Variants in SACS observed in about 807,000 individuals in gnomAD.
SACS encodes the protein sacsin molecular chaperone.
In SACS, 197 loss-of-function variants were observed where a neutral mutation model predicts 348.0. That is an observed-to-expected ratio of 0.57 (90% CI 0.50 to 0.64). The LOEUF (loss-of-function observed/expected upper bound fraction) is 0.64. Ranked by LOEUF, SACS falls within the 30% of genes least tolerant of loss-of-function variation. The pLI, the probability that SACS is intolerant of heterozygous loss-of-function variation, is 0.00. For missense variants in SACS, 4,999 were observed against 5,360.8 expected, an observed-to-expected ratio of 0.93 and a Z score of 2.11; for synonymous variants, 1,985 against 1,910.6, an observed-to-expected ratio of 1.04 and a Z score of -1.02.
chr13:23,340,264 A>T lies in SACS; in HGVS notation c.3612T>A (p.Ser1204Arg). The T allele has an allele frequency of 6.2e-7, 1 of 1,612,682 alleles. No homozygotes were observed. The highest frequency in any genetic ancestry group is 8.5e-7 in the Non-Finnish European group (1 of 1,179,222). Residue 1204 changes from serine to arginine, a missense_variant, in exon 10 of 10, where the codon AGT (serine) becomes AGA (arginine). This residue lies in a region of SACS where 3,156 missense variants were observed against 3,380.1 expected (regional missense o/e 0.93). Transcript: ENST00000382292. ...LIGSSLPLVE[S>R]IHVNLEKALG... ...ATGCTTTTTCCAGGTTTACATGGAT[A>T]CTTTCAACAAGAGGAAGTGAGGAGC...
intron 2 of SACS, among the ~76,000 whole-genome samples, chr13:23,382,692 G>T (rs1872108750): frequency 6.6e-6 from 1 of 151,660 alleles, no homozygotes; most frequent in Non-Finnish European, 1.5e-5. Flanking sequence ...TAATGGCTAA[G>T]TAATTTACAT....
chr13:23,346,238 C>T (rs531295982), intron 9 of SACS, among the ~76,000 whole-genome samples: 2 of 152,276 alleles, frequency 1.3e-5, no homozygotes, highest in African/African-American at 2.4e-5. Context: ...CTCTGCCGCC[C>T]GGGTTCAAGC....
chr13:23,337,999 A>C lies in SACS; in HGVS notation c.5877T>G (p.Ile1959Met). 1 of 1,613,928 alleles carries C rather than the reference A, an allele frequency of 6.2e-7. No homozygotes were observed. Among genetic ancestry groups the C allele is most frequent in the Non-Finnish European group, 8.5e-7 (1 of 1,179,942 alleles). The change falls in exon 10 of 10, where the codon ATT (isoleucine) becomes ATG (methionine). Residue 1959 changes from isoleucine (I) to methionine (M), a missense_variant. This residue lies in a region of SACS where 3,156 missense variants were observed against 3,380.1 expected (regional missense o/e 0.93). Coordinates refer to ENST00000382292, the MANE Select transcript of SACS (RefSeq NM_014363.6). ...PDLVHDDFSV[I>M]CQGFYEDIAH... The stretch of plus-strand genomic sequence containing the variant: ...CTATATCTTCATAAAATCCTTGGCA[A>C]ATTACAGAAAAATCATCATGAACTA...
intron 1 of SACS, among the ~76,000 whole-genome samples, chr13:23,415,569 T>C (rs1396453840): frequency 6.6e-6 from 1 of 152,250 alleles, no homozygotes; most frequent in Non-Finnish European, 1.5e-5. Flanking sequence ...CATTCTTTTC[T>C]CAAAATACAG....
Position 23,355,640 on chromosome 13 carries a change from G to A in SACS, c.972C>T (p.Asp324=), listed in dbSNP as rs546652936. The change falls in exon 8 of 10, where the codon GAC becomes GAT. Residue 324 remains aspartate (D), a synonymous_variant. Coordinates refer to ENST00000382292, the MANE Select transcript of SACS (RefSeq NM_014363.6). ...QDVSLYVREA[D]GTEKLVFRVT... ...CTCTAAACACCAGTTTCTCTGTTCC[G>A]TCAGCCTCTCGGACATATAAGGAAA... 2.9e-5 allele frequency: 47 copies of A among 1,613,906 alleles called. No individual in the cohort carries two copies. Among genetic ancestry groups the A allele is most frequent in the Admixed American group, 1.2e-4 (7 of 59,966 alleles).
chr13:23,418,251 T>C (rs1166438727), intron 1 of SACS, among the ~76,000 whole-genome samples: 2 of 152,072 alleles, frequency 1.3e-5, no homozygotes, highest in Non-Finnish European at 2.9e-5. Context: ...GGGAACAGGC[T>C]CTAATTTATA....
chr13:23,365,373 TTAAA>T (rs1412770853), intron 5 of SACS, 96 bp from the exon 6 acceptor site: 6 of 747,598 alleles, frequency 8.0e-6, no homozygotes, highest in South Asian at 3.8e-5. Context: ...GTTAATATAC[TTAAA>T]TAAAGGAAAC....
chr13:23,341,699 C>T lies in SACS; in HGVS notation c.2186-9G>A, dbSNP rs765615481. ...CTGAGTACATGGTCTTCCTGTAAATCATACACAGAAATGTCATAAATACAT... is the reference window on the plus strand; with the variant it reads ...CTGAGTACATGGTCTTCCTGTAAATTATACACAGAAATGTCATAAATACAT... On this transcript the variant is annotated splice_polypyrimidine_tract_variant and intron_variant, in intron 9 of 9. Transcript: ENST00000382292. 1 of 1,581,890 alleles carries T rather than the reference C, an allele frequency of 6.3e-7. No homozygotes were observed. The highest frequency in any genetic ancestry group is 8.6e-7 in the Non-Finnish European group (1 of 1,160,360).
At chr13:23,381,403 ACT>A (rs1333710089) in intron 2 of SACS, among the ~76,000 whole-genome samples, 3 of 149,416 alleles carry the variant, frequency 2.0e-5, no homozygotes, top group African/African-American at 4.9e-5. Context: ...ACAGGCAAAC[ACT>A]CTGGCTGGAC....
In SACS at chr13:23,353,886, GA is replaced by G; in HGVS notation, c.2094-11del. The G allele has an allele frequency of 7.1e-7, 1 of 1,416,160 alleles. No individual in the cohort carries two copies. The highest frequency in any genetic ancestry group is 1.0e-6 in the Non-Finnish European group (1 of 999,418). 87.7% of individuals were successfully genotyped at this position (1,416,160 alleles called of 1,614,324 possible). The stretch of plus-strand genomic sequence containing the variant: ...ACTTGGGAAAAGGGACCTGAAAAGG[GA>G]AAGGAACAGCAATCATCATAATCTT... On this transcript the variant is annotated splice_polypyrimidine_tract_variant and intron_variant, in intron 8 of 9. Coordinates refer to ENST00000382292, the MANE Select transcript of SACS (RefSeq NM_014363.6).
At chr13:23,362,187 C>T (rs868034953) in intron 6 of SACS, among the ~76,000 whole-genome samples, 4 of 152,162 alleles carry the variant, frequency 2.6e-5, no homozygotes, top group Non-Finnish European at 5.9e-5. Context: ...AAACCAACTC[C>T]GTGAGATCCA....
At chr13:23,393,285 G>A (rs1434453766) in intron 2 of SACS, among the ~76,000 whole-genome samples, 1 of 152,218 alleles carries the variant, frequency 6.6e-6, no homozygotes, top group African/African-American at 2.4e-5. Flanking sequence ...GAGCCATGGA[G>A]ATATGTGTGT....
In SACS at chr13:23,330,844, G is replaced by T. The variant is rs930282640; in HGVS notation, c.13032C>A (p.Asn4344Lys). 2 of 1,613,938 alleles carry T rather than the reference G, an allele frequency of 1.2e-6. No homozygotes were observed. Among genetic ancestry groups the T allele is most frequent in the African/African-American group, 1.3e-5 (1 of 74,902 alleles). ...LKWHPDKNPE[N>K]HDIANEVFKH... ...TAAAAACTTCATTGGCAATGTCATG[G>T]TTCTCTGGATTTTTGTCAGGATGCC... Residue 4344 changes from asparagine (N) to lysine (K), a missense_variant, in exon 10 of 10, where the codon AAC becomes AAA. Asn to Lys is a moderately conservative substitution (Grantham distance 94). Coordinates refer to ENST00000382292, the MANE Select transcript of SACS (RefSeq NM_014363.6).
intron 1 of SACS, among the ~76,000 whole-genome samples, chr13:23,426,203 G>A (rs895282858): frequency 7.9e-5 from 12 of 152,158 alleles, no homozygotes; most frequent in African/African-American, 2.4e-4. Context: ...ACAGGTCTCA[G>A]TTAATTTATA....
intron 1 of SACS, among the ~76,000 whole-genome samples, chr13:23,420,133 C>T (rs1335714629): frequency 2.6e-5 from 4 of 152,090 alleles, no homozygotes; most frequent in Non-Finnish European, 4.4e-5. Flanking sequence ...TGGGTATCCA[C>T]GTTGGGCCTG....
intron 2 of SACS, among the ~76,000 whole-genome samples, chr13:23,398,562 C>G (rs1033270125): frequency 3.3e-5 from 5 of 151,070 alleles, no homozygotes; most frequent in Non-Finnish European, 7.4e-5. Flanking sequence ...GAAATACACT[C>G]GTTTGGTTCA....
chr13:23,403,018 T>C (rs1203983825), intron 2 of SACS, among the ~76,000 whole-genome samples: 2 of 151,400 alleles, frequency 1.3e-5, no homozygotes, highest in East Asian at 3.9e-4. Context: ...CTACTAAAAA[T>C]ACAAAAAAAA....
intron 2 of SACS, among the ~76,000 whole-genome samples, chr13:23,401,525 T>A (rs1212149794): frequency 1.3e-5 from 2 of 152,234 alleles, no homozygotes; most frequent in Non-Finnish European, 2.9e-5. Context: ...CTTGGGCACA[T>A]GTCATCAGGA....
At chr13:23,345,009 T>C (rs947696669) in intron 9 of SACS, among the ~76,000 whole-genome samples, 1 of 152,228 alleles carries the variant, frequency 6.6e-6, no homozygotes, top group Non-Finnish European at 1.5e-5. Flanking sequence ...AACCAAGAAA[T>C]CTCAGTCCTG....
Sources: allele counts gnomAD v4.1 joint callset (sites outside exome capture counted in the v4.1 genomes callset), GRCh38; gene constraint gnomAD v4.1.1; regional missense constraint gnomAD v4.1.1; transcripts MANE v1.5; gene names NCBI Gene and HGNC (gene_info 2026-07-23, HGNC 2026-07-21).